VCAN: variants seen among roughly 807,000 people sequenced by gnomAD.
VCAN encodes the protein versican core protein.
Under a neutral mutation model 245.5 loss-of-function variants are expected in VCAN, and 44 were observed. The ratio of observed to expected loss-of-function variants is 0.18; its 90% CI spans 0.14 to 0.23. VCAN has a LOEUF of 0.23. Ranked by LOEUF, VCAN falls within the 10% of genes least tolerant of loss-of-function variation. The pLI is 1.00. For synonymous variants in VCAN, 1,413 were observed against 1,437.0 expected, an observed-to-expected ratio of 0.98 and a Z score of 0.38; for missense variants, 3,793 against 4,057.9, an observed-to-expected ratio of 0.93 and a Z score of 1.77.
chr5:83,496,876 G>A (rs990372900), intron 5 of VCAN, among the ~76,000 whole-genome samples: 1 of 152,196 alleles, frequency 6.6e-6, no homozygotes, highest in Admixed American at 6.5e-5. Context: ...CTTGTGGAAA[G>A]TTGACTACAT....
chr5:83,579,857 T>G, intron 13 of VCAN, 123 bp from the exon 14 acceptor site: 1 of 1,063,952 alleles, frequency 9.4e-7, no homozygotes, highest in Non-Finnish European at 1.4e-6. Context: ...TTCTTAATTC[T>G]AAAAGATTGC....
intron 5 of VCAN, among the ~76,000 whole-genome samples, chr5:83,499,561 ATAC>A (rs2112368759): frequency 6.6e-6 from 1 of 152,246 alleles, no homozygotes; most frequent in African/African-American, 2.4e-5. Flanking sequence ...AATCACCATG[ATAC>A]TATTTTTTCC....
intron 12 of VCAN, among the ~76,000 whole-genome samples, chr5:83,555,239 C>T (rs1234831723): frequency 6.6e-6 from 1 of 152,182 alleles, no homozygotes; most frequent in African/African-American, 2.4e-5. Flanking sequence ...AGTTGTGGTT[C>T]TCTTCAAAAG....
chr5:83,536,343 T>C (rs1364796124), intron 7 of VCAN: 4 of 152,108 alleles, frequency 2.6e-5, no homozygotes, highest in Non-Finnish European at 4.4e-5. Flanking sequence ...CTCTTGTGCA[T>C]AGGATGTGGT....
rs145974479 is a variant in VCAN, at chr5:83,537,241, G to T, written c.4238G>T (p.Gly1413Val). 1.9e-6 allele frequency: 3 copies of T among 1,613,724 alleles called. No individual in the cohort carries two copies. In the African/African-American group the frequency reaches 4.0e-5, roughly 22 times the overall value. ...TTTPSVQYIN[G>V]KHLVTTVPKD... is the part of the protein sequence containing the mutation. ...ACCCCATCTGTGCAGTACATAAATGGGAAGCATCTCGTTACCACTGTGCCC... is the reference window on the plus strand; with the variant it reads ...ACCCCATCTGTGCAGTACATAAATGTGAAGCATCTCGTTACCACTGTGCCC... Residue 1413 changes from glycine (G) to valine (V), a missense_variant, in exon 8 of 15, where the codon GGG (glycine) becomes GTG (valine). Physicochemically the swap from Gly to Val is moderately radical, Grantham distance 109 (BLOSUM62 -3). This residue lies in a region of VCAN where 3,182 missense variants were observed against 3,250.3 expected (regional missense o/e 0.98). Transcript: ENST00000265077.
intron 2 of VCAN, among the ~76,000 whole-genome samples, chr5:83,486,452 A>G (rs1450822476): frequency 1.3e-5 from 2 of 152,204 alleles, no homozygotes; most frequent in Non-Finnish European, 2.9e-5. Context: ...GGTGAAGCCT[A>G]GGAGCTGTCT....
intron 10 of VCAN, among the ~76,000 whole-genome samples, chr5:83,548,427 C>T (rs1747322028): frequency 6.6e-6 from 1 of 152,134 alleles, no homozygotes; most frequent in Non-Finnish European, 1.5e-5. Context: ...TTATTTTCTC[C>T]TCCTAAGCAC....
chr5:83,474,158 C>T (rs1744299642), intron 1 of VCAN, among the ~76,000 whole-genome samples: 1 of 152,044 alleles, frequency 6.6e-6, no homozygotes, highest in South Asian at 2.1e-4. Flanking sequence ...TAATCCAAAA[C>T]TTAAACTTCC....
Position 83,520,290 on chromosome 5 carries a change from A to G in VCAN, c.1984A>G (p.Lys662Glu). Residue 662 changes from lysine to glutamate, a missense_variant, in exon 7 of 15, where the codon AAA becomes GAA. By Grantham distance (56) the Lys-to-Glu change is moderately conservative (BLOSUM62 1). Around this residue, in one of 5 missense-constraint regions of VCAN, gnomAD observed 3,182 missense variants for 3,250.3 expected, o/e 0.98. Coordinates refer to ENST00000265077, the MANE Select transcript of VCAN (RefSeq NM_004385.5). ...EIELFPYSGD[K>E]ILVEGISTVI... ...AGAATTGTTTCCTTATTCTGGTGATAAAATATTAGTAGAGGGAATTTCCAC... is the reference window on the plus strand; with the variant it reads ...AGAATTGTTTCCTTATTCTGGTGATGAAATATTAGTAGAGGGAATTTCCAC... 1 of 1,613,960 alleles carries G rather than the reference A, an allele frequency of 6.2e-7. No individual in the cohort carries two copies. Among genetic ancestry groups the G allele is most frequent in the Non-Finnish European group, 8.5e-7 (1 of 1,179,946 alleles).
chr5:83,545,366 G>A (rs949800607), intron 8 of VCAN, among the ~76,000 whole-genome samples, 171 bp from the exon 9 acceptor site: 2 of 152,134 alleles, frequency 1.3e-5, no homozygotes, highest in Non-Finnish European at 2.9e-5. Flanking sequence ...TAGTTATAAT[G>A]CCAAGAAACA....
Position 83,539,277 on chromosome 5 carries a change from A to G in VCAN, c.6274A>G (p.Ile2092Val), listed in dbSNP as rs1340435420. Residue 2092 changes from isoleucine to valine, a missense_variant, in exon 8 of 15, where the codon ATA becomes GTA. Physicochemically the swap from Ile to Val is conservative, Grantham distance 29. This residue lies in a region of VCAN where 3,182 missense variants were observed against 3,250.3 expected (regional missense o/e 0.98). Coordinates refer to ENST00000265077, the MANE Select transcript of VCAN (RefSeq NM_004385.5). ...AGTTTCAACAAACTTTCCCCAAACT[A>G]TAGAGCCAGCCAAATTATGGTCTAG... The part of the protein sequence containing the change: ...GTVSTNFPQT[I>V]EPAKLWSRQE... The G allele has an allele frequency of 6.2e-7, 1 of 1,614,100 alleles. No homozygotes were observed. The highest frequency in any genetic ancestry group is 1.7e-5 in the Admixed American group (1 of 59,986).
intron 7 of VCAN, chr5:83,534,257 A>G (rs1003477383): frequency 1.3e-5 from 2 of 152,158 alleles, no homozygotes; most frequent in African/African-American, 4.8e-5. Flanking sequence ...TAGAAATTCA[A>G]GTAAATCTAT....
At position 83,541,558 on chromosome 5, in the gene VCAN, T is replaced by C. The variant is rs758564688; in HGVS notation, c.8555T>C (p.Ile2852Thr). 6.2e-7 allele frequency: 1 copy of C among 1,613,932 alleles called. No homozygotes were observed. Among genetic ancestry groups the C allele is most frequent in the Non-Finnish European group, 8.5e-7 (1 of 1,180,000 alleles). Reference sequence around the variant, plus strand: ...CCCCAGCCCAGTGCTCTGCCAGGAATAGACGTCGGCTCATCTGTAATGTCC... The same window carrying C: ...CCCCAGCCCAGTGCTCTGCCAGGAACAGACGTCGGCTCATCTGTAATGTCC... ...EIPQPSALPG[I>T]DVGSSVMSPQ... The change falls in exon 8 of 15, where the codon ATA becomes ACA. Residue 2852 changes from isoleucine to threonine, a missense_variant. This residue lies in a region of VCAN where 3,182 missense variants were observed against 3,250.3 expected (regional missense o/e 0.98). Transcript: ENST00000265077.
chr5:83,501,288 C>G lies in VCAN; in HGVS notation c.748+7357C>G, dbSNP rs147452511. ...TTTCTTGATAAGGCCCTTTGAAGCA[C>G]AAAAGTGTTTAATTTAGATGAAAAG... On this transcript the variant is annotated intron_variant, in intron 5 of 14. Transcript: ENST00000265077. Among the ~76,000 whole-genome samples the G allele has an allele frequency of 7.0e-3, 1,066 of 152,198 alleles. 14 individuals carry two copies. The highest frequency in any genetic ancestry group is 0.024 in the African/African-American group (994 of 41,530).
At chr5:83,516,098 G>A (rs1306227842) in intron 6 of VCAN, among the ~76,000 whole-genome samples, 1 of 152,116 alleles carries the variant, frequency 6.6e-6, no homozygotes, top group East Asian at 1.9e-4. Context: ...CGGGCATGGT[G>A]GCGGGCGCCT....
chr5:83,522,260 T>A lies in VCAN; in HGVS notation c.3954T>A (p.Phe1318Leu). ...CACAGCCCCCAGCAAGCACAAAATTTCACCCTGACATTAATGTTTATATTA... is the reference window on the plus strand; with the variant it reads ...CACAGCCCCCAGCAAGCACAAAATTACACCCTGACATTAATGTTTATATTA... ...STPQPPASTK[F>L]HPDINVYIIE... The change falls in exon 7 of 15, where the codon TTT (phenylalanine) becomes TTA (leucine). Residue 1318 changes from phenylalanine (F) to leucine (L), a missense_variant. Phe to Leu is a conservative substitution (Grantham distance 22). Transcript: ENST00000265077. The A allele has an allele frequency of 6.3e-7, 1 of 1,599,722 alleles. No homozygotes were observed. Among genetic ancestry groups the A allele is most frequent in the Non-Finnish European group, 8.5e-7 (1 of 1,179,822 alleles).
At position 83,549,048 on chromosome 5, in the gene VCAN, A is replaced by T. The variant is rs1747351676; in HGVS notation, c.9493+964A>T. Among the ~76,000 whole-genome samples the T allele has an allele frequency of 2.0e-5, 3 of 152,148 alleles. No individual in the cohort carries two copies. In the South Asian group the frequency reaches 6.2e-4, roughly 32 times the overall value. ...GTAAATCTGTTTGTTTTAGATTTTG[A>T]ATATAAAGATAGACCAAGCAAGATC... On this transcript the variant is annotated intron_variant, in intron 10 of 14. Transcript: ENST00000265077.
chr5:83,574,893 G>A (rs375799250), intron 13 of VCAN, among the ~76,000 whole-genome samples: 4 of 151,998 alleles, frequency 2.6e-5, no homozygotes, highest in East Asian at 3.9e-4. Context: ...TTTTTAAAAG[G>A]TGTGTTTATC....
In VCAN at chr5:83,520,249, A is replaced by T; in HGVS notation, c.1943A>T (p.Gln648Leu). The change falls in exon 7 of 15, where the codon CAG (glutamine) becomes CTG (leucine). Residue 648 changes from glutamine to leucine, a missense_variant. By Grantham distance (113) the Gln-to-Leu change is moderately radical. Around this residue, in one of 5 missense-constraint regions of VCAN, gnomAD observed 3,182 missense variants for 3,250.3 expected, o/e 0.98. Transcript: ENST00000265077. Reference protein sequence around the residue: ...KYLSTTPFPSQHRTEIELFPY... With the variant: ...KYLSTTPFPSLHRTEIELFPY... ...CTGTCTACTACACCTTTTCCATCAC[A>T]GCATCGTACAGAAATAGAATTGTTT... is the stretch of plus-strand genomic sequence containing the variant. 1.2e-6 allele frequency: 2 copies of T among 1,614,020 alleles called. No individual in the cohort carries two copies. Among genetic ancestry groups the T allele is most frequent in the South Asian group, 2.2e-5 (2 of 91,078 alleles).
Sources: allele counts gnomAD v4.1 joint callset (sites outside exome capture counted in the v4.1 genomes callset), GRCh38; gene constraint gnomAD v4.1.1; regional missense constraint gnomAD v4.1.1; transcripts MANE v1.5; gene names NCBI Gene and HGNC (gene_info 2026-07-23, HGNC 2026-07-21).